Variants in PDCD6IP observed in about 807,000 individuals in gnomAD.
PDCD6IP encodes programmed cell death 6-interacting protein.
In PDCD6IP, 43 loss-of-function variants were observed where a neutral mutation model predicts 103.7. The observed-to-expected ratio is 0.41, with a 90% confidence interval of 0.32 to 0.53. The LOEUF is 0.53. Ranked by LOEUF, PDCD6IP falls within the 20% of genes least tolerant of loss-of-function variation. The probability of loss-of-function intolerance (pLI) is 0.16; values close to 1 mark genes in which losing one functional copy is unlikely to be tolerated. For synonymous variants in PDCD6IP, 354 were observed against 378.7 expected (o/e 0.93, Z 0.76); for missense variants, 871 against 1,036.7 (o/e 0.84, Z 2.20).
At chr3:33,859,906 A>G (rs4679095) in intron 15 of PDCD6IP, among the ~76,000 whole-genome samples, 27,940 of 152,160 alleles carry the variant, frequency 0.18, 2,965 homozygotes, top group East Asian at 0.39. Flanking sequence ...AAATAGCAGT[A>G]AAAAAGTAGA....
chr3:33,816,320 C>T (rs984300977), intron 3 of PDCD6IP, among the ~76,000 whole-genome samples: 4 of 151,880 alleles, frequency 2.6e-5, no homozygotes, highest in Non-Finnish European at 1.5e-5. Context: ...TCCTGACCAA[C>T]ATGGTGAAAT....
intron 5 of PDCD6IP, 82 bp from the exon 6 acceptor site, chr3:33,826,398 A>G: frequency 1.1e-6 from 1 of 915,758 alleles, no homozygotes; most frequent in Non-Finnish European, 1.6e-6. Flanking sequence ...GCGTGTACAA[A>G]CTTGTGACCT....
intron 5 of PDCD6IP, 92 bp downstream of exon 5, chr3:33,825,432 G>A (rs939864630): frequency 3.5e-6 from 4 of 1,136,718 alleles, no homozygotes; most frequent in African/African-American, 1.6e-5. Context: ...GTTCAATGTC[G>A]AGCTGTCCTT....
intron 9 of PDCD6IP, among the ~76,000 whole-genome samples, chr3:33,841,540 G>A (rs1452384156): frequency 7.1e-6 from 1 of 140,024 alleles, no homozygotes; most frequent in African/African-American, 2.6e-5. Context: ...CCGGGTTCAC[G>A]CCATTCTCCT....
intron 7 of PDCD6IP, among the ~76,000 whole-genome samples, chr3:33,830,208 T>C (rs2125559342): frequency 6.6e-6 from 1 of 152,278 alleles, no homozygotes; most frequent in East Asian, 1.9e-4. Flanking sequence ...TCAGAGAAAG[T>C]CTTTTTAAAA....
rs1696406337 is a variant in PDCD6IP, at chr3:33,799,075, T to G, written c.209+138T>G. 4 of 830,854 alleles carry G rather than the reference T, an allele frequency of 4.8e-6. No homozygotes were observed. In the South Asian group the frequency reaches 5.5e-5, roughly 11 times the overall value. The allele number at this position is 830,854 out of a possible 1,614,324, so 51.5% of individuals were successfully genotyped here. On this transcript the variant is annotated intron_variant, in intron 1 of 17. Transcript: ENST00000307296. ...GGCCTGACCAGGCGCGTAGGTGTGGTCTGCATTCTTTGCTGGTGAGCAGGA... is the reference window on the plus strand; with the variant it reads ...GGCCTGACCAGGCGCGTAGGTGTGGGCTGCATTCTTTGCTGGTGAGCAGGA...
chr3:33,831,273 C>G (rs1008735646), intron 7 of PDCD6IP, among the ~76,000 whole-genome samples: 2 of 151,434 alleles, frequency 1.3e-5, no homozygotes, highest in Non-Finnish European at 1.5e-5. Flanking sequence ...ACATGACTCA[C>G]ATAGAATGAC....
chr3:33,853,059 G>T (rs1177093319), intron 13 of PDCD6IP, among the ~76,000 whole-genome samples: 2 of 152,022 alleles, frequency 1.3e-5, no homozygotes, highest in Non-Finnish European at 2.9e-5. Flanking sequence ...GAGTAGCTGG[G>T]ACTATAGGCG....
intron 7 of PDCD6IP, chr3:33,835,352 A>G (rs962376712): frequency 2.2e-6 from 1 of 455,142 alleles, no homozygotes; most frequent in Non-Finnish European, 4.4e-6. Flanking sequence ...TGTGGTTTCC[A>G]GACCCTTGTT....
intron 12 of PDCD6IP, among the ~76,000 whole-genome samples, chr3:33,846,271 G>C (rs1258436639): frequency 6.6e-6 from 1 of 152,166 alleles, no homozygotes; most frequent in East Asian, 1.9e-4. Flanking sequence ...GGGATAGTAA[G>C]TTTTGAAAAG....
chr3:33,865,952 G>T (rs951578963), intron 17 of PDCD6IP, among the ~76,000 whole-genome samples: 2 of 152,122 alleles, frequency 1.3e-5, no homozygotes, highest in Non-Finnish European at 2.9e-5. Flanking sequence ...CATGTTGTCT[G>T]CCAAATATTA....
intron 15 of PDCD6IP, 135 bp from the exon 16 acceptor site, chr3:33,863,870 GT>G (rs1698005529): frequency 3.5e-5 from 23 of 654,726 alleles, no homozygotes; most frequent in Non-Finnish European, 5.7e-5. Flanking sequence ...AATTTGAAAT[GT>G]AGTATATTTT....
At chr3:33,850,003 G>A (rs1158830728) in intron 12 of PDCD6IP, among the ~76,000 whole-genome samples, 6 of 152,024 alleles carry the variant, frequency 3.9e-5, no homozygotes, top group Non-Finnish European at 8.8e-5. Context: ...GACCCTCTCT[G>A]TATCAGTCTG....
chr3:33,841,976 T>C lies in PDCD6IP; in HGVS notation c.1261T>C (p.Ser421Pro), dbSNP rs1435805052. Residue 421 changes from serine (S) to proline (P), a missense_variant, in exon 10 of 18, where the codon TCC (serine) becomes CCC (proline). Physicochemically the swap from Ser to Pro is moderately conservative, Grantham distance 74. Coordinates refer to ENST00000307296, the MANE Select transcript of PDCD6IP (RefSeq NM_013374.6). ...DTVPQSILTK[S>P]RSVIEQGGIQ... ...TGTACCTCAGTCTATATTGACTAAA[T>C]CCAGATCTGTGATTGAACAGGGAGG... 6.3e-7 allele frequency: 1 copy of C among 1,590,662 alleles called. No individual in the cohort carries two copies. The highest frequency in any genetic ancestry group is 2.2e-5 in the East Asian group (1 of 44,764).
At position 33,836,029 on chromosome 3, in the gene PDCD6IP, C is replaced by G; in HGVS notation, c.835-15C>G. On this transcript the variant is annotated splice_polypyrimidine_tract_variant and intron_variant, in intron 7 of 17. Transcript: ENST00000307296. The stretch of plus-strand genomic sequence containing the variant: ...CCCTCTTTTTTTTTTTTGTTGTTGA[C>G]GTTTTTCTTTTTAGCATGCAGCAGA... 2 of 1,325,038 alleles carry G rather than the reference C, an allele frequency of 1.5e-6. No individual in the cohort carries two copies. Among genetic ancestry groups the G allele is most frequent in the South Asian group, 1.4e-5 (1 of 69,434 alleles). The allele number at this position is 1,325,038 out of a possible 1,614,324, so 82.1% of individuals were successfully genotyped here. A position where few individuals can be genotyped will look rare whatever the true frequency, so the allele number is the denominator to read the frequency against.
intron 13 of PDCD6IP, among the ~76,000 whole-genome samples, 155 bp from the exon 14 acceptor site, chr3:33,853,724 A>G (rs1697768180): frequency 6.6e-6 from 1 of 152,178 alleles, no homozygotes; most frequent in Admixed American, 6.5e-5. Context: ...TTAAAGCATA[A>G]TGAGGCTTCA....
intron 4 of PDCD6IP, 132 bp downstream of exon 4, chr3:33,822,214 A>G: frequency 1.1e-6 from 1 of 889,948 alleles, no homozygotes; most frequent in South Asian, 1.7e-5. Context: ...TTTTAAAATG[A>G]ATTTATTCTT....
intron 3 of PDCD6IP, among the ~76,000 whole-genome samples, chr3:33,820,244 G>C (rs1298309069): frequency 6.6e-6 from 1 of 152,034 alleles, no homozygotes; most frequent in Non-Finnish European, 1.5e-5. Context: ...GATTGCACTA[G>C]TGCACTCCAG....
At chr3:33,846,031 A>G (rs977905005) in intron 12 of PDCD6IP, among the ~76,000 whole-genome samples, 2 of 152,350 alleles carry the variant, frequency 1.3e-5, no homozygotes, top group African/African-American at 4.8e-5. Flanking sequence ...ATAAATGGAT[A>G]GCACCATCAT....
Sources: gnomAD v4.1 joint callset for allele counts (sites outside exome capture counted in the v4.1 genomes callset) on GRCh38, gnomAD v4.1.1 for gene constraint, MANE v1.5 for transcripts, NCBI Gene and HGNC (gene_info 2026-07-23, HGNC 2026-07-21) for gene names.